KRT222: variants seen among roughly 807,000 people sequenced by gnomAD.
The protein encoded by KRT222 is keratin 222.
A neutral mutation model predicts 35.0 loss-of-function variants in KRT222; 23 were observed. The observed-to-expected ratio is 0.66, with a 90% confidence interval of 0.47 to 0.93. KRT222 has a LOEUF of 0.93. Ranked by LOEUF, KRT222 falls within the 40% of genes least tolerant of loss-of-function variation. KRT222 has a pLI of 0.00. For synonymous variants in KRT222, 108 were observed against 118.8 expected, an observed-to-expected ratio of 0.91 and a Z score of 0.59; for missense variants, 339 against 346.3, an observed-to-expected ratio of 0.98 and a Z score of 0.17.
Position 40,661,997 on chromosome 17 carries a change from C to T in KRT222, c.144G>A (p.Leu48=), listed in dbSNP as rs1361443048. ...SKKMDKDEEA[L]KAAQAELKEA... is the part of the protein sequence containing the mutation. ...CCTTGAGTTCTGCTTGAGCTGCCTT[C>T]AAAGCCTCTTCATCTTTGTCCATTT... Residue 48 remains leucine, a synonymous_variant, in exon 2 of 6, where the codon TTG becomes TTA. Coordinates refer to ENST00000394052, the MANE Select transcript of KRT222 (RefSeq NM_152349.3). 4 of 1,614,026 alleles carry T rather than the reference C, an allele frequency of 2.5e-6. No homozygotes were observed. The highest frequency in any genetic ancestry group is 3.4e-6 in the Non-Finnish European group (4 of 1,180,044).
chr17:40,660,933 T>C (rs937298974), intron 2 of KRT222, among the ~76,000 whole-genome samples: 65 of 152,060 alleles, frequency 4.3e-4, no homozygotes, highest in Non-Finnish European at 4.4e-5. Context: ...TTTAGGAACA[T>C]GCTTAAATAC....
At chr17:40,661,888 G>T in intron 2 of KRT222, 28 bp downstream of exon 2, 1 of 1,607,228 alleles carries the variant, frequency 6.2e-7, no homozygotes, top group Non-Finnish European at 8.5e-7. Flanking sequence ...GGACTCGATG[G>T]GTCGGTTACT....
At position 40,654,709 on chromosome 17, in the gene KRT222, C is replaced by T. The variant is rs1309450152; in HGVS notation, c.*1693G>A. The T allele has an allele frequency of 6.6e-6, 1 of 151,966 alleles. No individual in the cohort carries two copies. The highest frequency in any genetic ancestry group is 1.5e-5 in the Non-Finnish European group (1 of 68,006). The allele number at this position is 151,966 out of a possible 1,614,324, so 9.4% of individuals were successfully genotyped here. On this transcript the variant is annotated 3_prime_UTR_variant, in exon 6 of 6. Transcript: ENST00000394052. ...TTATTATGATCACTGTTGCTTAGTA[C>T]AGTAACTTTAGTACAATAGCTTATA...
intron 1 of KRT222, among the ~76,000 whole-genome samples, chr17:40,662,261 A>T (rs562764293): frequency 6.6e-6 from 1 of 152,240 alleles, no homozygotes; most frequent in African/African-American, 2.4e-5. Flanking sequence ...AAATGATTTC[A>T]AGAAATCCCT....
Position 40,662,050 on chromosome 17 carries a change from A to C in KRT222, c.97-6T>G, listed in dbSNP as rs748276641. The stretch of plus-strand genomic sequence containing the variant: ...TTGCTTATGTCTTCTTCTAGCTAAC[A>C]AGAAAGCCAACAGCAACAATAACAA... On this transcript the variant is annotated splice_polypyrimidine_tract_variant and splice_region_variant and intron_variant, in intron 1 of 5. Coordinates refer to ENST00000394052, the MANE Select transcript of KRT222 (RefSeq NM_152349.3). 3.7e-6 allele frequency: 6 copies of C among 1,612,290 alleles called. No individual in the cohort carries two copies. Among genetic ancestry groups the C allele is most frequent in the Non-Finnish European group, 5.1e-6 (6 of 1,179,548 alleles).
At chr17:40,660,282 ATCT>A (rs1238677996) in intron 2 of KRT222, 75 bp from the exon 3 acceptor site, 13 of 1,209,876 alleles carry the variant, frequency 1.1e-5, no homozygotes, top group Non-Finnish European at 1.4e-5. Flanking sequence ...CAATATCTTC[ATCT>A]TTTTTTTTTT....
intron 3 of KRT222, 91 bp from the exon 4 acceptor site, chr17:40,657,841 C>A: frequency 2.4e-6 from 2 of 816,450 alleles, no homozygotes; most frequent in Non-Finnish European, 2.0e-6. Flanking sequence ...TATATTCACG[C>A]AATAGAAACA....
At position 40,655,443 on chromosome 17, in the gene KRT222, T is replaced by C. The variant is rs1173398327; in HGVS notation, c.*959A>G. ...ACTCTTAGCTTAGATAACAATACCG[T>C]TATCTTAGTTCACATAAATGATTGC... On this transcript the variant is annotated 3_prime_UTR_variant, in exon 6 of 6. Coordinates refer to ENST00000394052, the MANE Select transcript of KRT222 (RefSeq NM_152349.3). The C allele has an allele frequency of 6.6e-6, 1 of 152,164 alleles. No homozygotes were observed. The highest frequency in any genetic ancestry group is 1.5e-5 in the Non-Finnish European group (1 of 67,984). The allele number at this position is 152,164 out of a possible 1,614,324, so 9.4% of individuals were successfully genotyped here.
rs2037355585 is a variant in KRT222, at chr17:40,657,742, C to T, written c.455G>A (p.Gly152Asp). ...GTCTTTTTTCCCACCTTGGATACAA[C>T]CATAATATCTGAAATCAGAAAGAAT... ...LLEKEEIRYY[G>D]CIQGGKKDKK... Residue 152 changes from glycine (G) to aspartate (D), a missense_variant, in exon 4 of 6, where the codon GGT (glycine) becomes GAT (aspartate). By Grantham distance (94) the Gly-to-Asp change is moderately conservative. Coordinates refer to ENST00000394052, the MANE Select transcript of KRT222 (RefSeq NM_152349.3). 1 of 1,608,944 alleles carries T rather than the reference C, an allele frequency of 6.2e-7. No homozygotes were observed.
chr17:40,661,777 A>C, intron 2 of KRT222, 139 bp downstream of exon 2: 2 of 1,097,606 alleles, frequency 1.8e-6, no homozygotes, highest in Non-Finnish European at 2.6e-6. Flanking sequence ...TGAGTAATTA[A>C]ACTAGGATCA....
At chr17:40,660,393 C>G (rs2037374874) in intron 2 of KRT222, among the ~76,000 whole-genome samples, 186 bp from the exon 3 acceptor site, 1 of 151,970 alleles carries the variant, frequency 6.6e-6, no homozygotes, top group African/African-American at 2.4e-5. Context: ...GATTCTCCTC[C>G]CTCAGCCTCC....
chr17:40,663,090 C>G (rs1275841681), intron 1 of KRT222, among the ~76,000 whole-genome samples: 3 of 152,294 alleles, frequency 2.0e-5, no homozygotes, highest in East Asian at 3.9e-4. Context: ...AGGCAGCAAG[C>G]AACACCTACC....
rs769164835 is a variant in KRT222 at position 40,657,356 on chromosome 17, T to G, written c.655A>C (p.Ile219Leu). Residue 219 changes from isoleucine (I) to leucine (L), a missense_variant, in exon 5 of 6, where the codon ATT becomes CTT. Ile to Leu is a conservative substitution (Grantham distance 5). Coordinates refer to ENST00000394052, the MANE Select transcript of KRT222 (RefSeq NM_152349.3). ...AGTCAAAGTTTCTTTACTTACTGAA[T>G]AGTGCCATGAGCTTCAGTGCTCTCC... is the stretch of plus-strand genomic sequence containing the variant. Reference protein sequence around the residue: ...VKESTEAHGTIQTEKVDEVIK... With the variant: ...VKESTEAHGTLQTEKVDEVIK... 1 of 1,572,788 alleles carries G rather than the reference T, an allele frequency of 6.4e-7. No individual in the cohort carries two copies. The highest frequency in any genetic ancestry group is 8.6e-7 in the Non-Finnish European group (1 of 1,163,280).
In KRT222 at chr17:40,665,141, T is replaced by C. The variant is rs753696613; in HGVS notation, c.-42A>G. On this transcript the variant is annotated 5_prime_UTR_variant, in exon 1 of 6. Coordinates refer to ENST00000394052, the MANE Select transcript of KRT222 (RefSeq NM_152349.3). ...ACCTTGGCTAACTGAACCTTATCGA[T>C]AGGATGAGTCGCTGCGGCAGTCTGC... 2.5e-6 allele frequency: 4 copies of C among 1,584,636 alleles called. No individual in the cohort carries two copies. The highest frequency in any genetic ancestry group is 1.1e-5 in the South Asian group (1 of 90,476).
Position 40,657,441 on chromosome 17 carries a change from A to G in KRT222, c.570T>C (p.Tyr190=). ...ISFTTKVPQK[Y]ENENVETVTK... The stretch of plus-strand genomic sequence containing the variant: ...TTACTGTTTCTACATTTTCATTCTC[A>G]TACTTTTGTGGGACTTTTGTAGTAA... The change falls in exon 5 of 6, where the codon TAT becomes TAC. Residue 190 remains tyrosine, a synonymous_variant. Transcript: ENST00000394052. 1.9e-6 allele frequency: 3 copies of G among 1,609,862 alleles called. No individual in the cohort carries two copies. The African/African-American group carries it at 4.0e-5, about 21-fold the overall frequency.
chr17:40,661,369 T>A (rs4890119), intron 2 of KRT222, among the ~76,000 whole-genome samples: 1 of 151,638 alleles, frequency 6.6e-6, no homozygotes, highest in African/African-American at 2.4e-5. Flanking sequence ...CAGGTTCAAG[T>A]AATTTTTGTG....
intron 2 of KRT222, among the ~76,000 whole-genome samples, chr17:40,660,863 A>G (rs1193256882): frequency 6.6e-6 from 1 of 151,208 alleles, no homozygotes; most frequent in Non-Finnish European, 1.5e-5. Context: ...AAAAAAAAAA[A>G]AAAAAAGAAA....
rs993333975 is a variant in KRT222 at position 40,665,137 on chromosome 17, T to C, written c.-38A>G. 4 of 1,595,052 alleles carry C rather than the reference T, an allele frequency of 2.5e-6. No individual in the cohort carries two copies. The East Asian group carries it at 8.9e-5, about 36-fold the overall frequency. ...CTCCACCTTGGCTAACTGAACCTTATCGATAGGATGAGTCGCTGCGGCAGT... is the reference window on the plus strand; with the variant it reads ...CTCCACCTTGGCTAACTGAACCTTACCGATAGGATGAGTCGCTGCGGCAGT... On this transcript the variant is annotated 5_prime_UTR_variant, in exon 1 of 6. Coordinates refer to ENST00000394052, the MANE Select transcript of KRT222 (RefSeq NM_152349.3).
intron 3 of KRT222, among the ~76,000 whole-genome samples, chr17:40,659,241 C>T (rs917022435): frequency 3.3e-5 from 5 of 151,294 alleles, no homozygotes; most frequent in East Asian, 1.9e-4. Context: ...CTGCAACCTG[C>T]CTCTCCTGGA....
Sources: allele counts gnomAD v4.1 joint callset (sites outside exome capture counted in the v4.1 genomes callset), GRCh38; gene constraint gnomAD v4.1.1; transcripts MANE v1.5; gene names NCBI Gene and HGNC (gene_info 2026-07-23, HGNC 2026-07-21).